MBOAT2: variants seen among roughly 807,000 people sequenced by gnomAD.
The protein encoded by MBOAT2 is membrane-bound glycerophospholipid O-acyltransferase 2.
In MBOAT2, 28 loss-of-function variants were observed where a neutral mutation model predicts 63.4. The observed-to-expected ratio is 0.44, with a 90% CI of 0.33 to 0.61. The LOEUF (loss-of-function observed/expected upper bound fraction) is 0.61. Ranked by LOEUF, MBOAT2 falls within the 20% of genes least tolerant of loss-of-function variation. MBOAT2 has a pLI of 0.03. For missense variants in MBOAT2, 470 were observed against 605.8 expected (o/e 0.78, Z 2.35); for synonymous variants, 211 against 215.6 (o/e 0.98, Z 0.19).
chr2:8,918,780 A>G (rs1019027323), intron 3 of MBOAT2, among the ~76,000 whole-genome samples: 1 of 152,232 alleles, frequency 6.6e-6, no homozygotes, highest in Non-Finnish European at 1.5e-5. Context: ...TTATTGAGGT[A>G]TAATTCACAC....
chr2:8,898,186 G>A (rs1230126280), intron 4 of MBOAT2, among the ~76,000 whole-genome samples: 2 of 152,162 alleles, frequency 1.3e-5, no homozygotes, highest in African/African-American at 4.8e-5. Context: ...CTGTCGGAAG[G>A]CTTAAAGCTG....
intron 1 of MBOAT2, among the ~76,000 whole-genome samples, chr2:8,967,856 T>C (rs1670114219): frequency 6.6e-6 from 1 of 151,910 alleles, no homozygotes; most frequent in Non-Finnish European, 1.5e-5. Flanking sequence ...ATATAAAAAA[T>C]TCCTTCATGG....
At chr2:8,910,044 A>C (rs778884430) in intron 3 of MBOAT2, among the ~76,000 whole-genome samples, 1 of 152,226 alleles carries the variant, frequency 6.6e-6, no homozygotes, top group Non-Finnish European at 1.5e-5. Context: ...TCCAGGTGTG[A>C]ACCATAATTA....
chr2:8,877,422 C>A (rs1662776154), intron 6 of MBOAT2, among the ~76,000 whole-genome samples: 1 of 152,154 alleles, frequency 6.6e-6, no homozygotes, highest in South Asian at 2.1e-4. Context: ...TCCTTATGAG[C>A]AAATATGAAG....
intron 3 of MBOAT2, among the ~76,000 whole-genome samples, chr2:8,926,817 CA>C (rs1666967026): frequency 6.6e-6 from 1 of 152,188 alleles, no homozygotes; most frequent in Non-Finnish European, 1.5e-5. Flanking sequence ...AGATGGTAAA[CA>C]GCAGAAATGG....
chr2:8,970,170 C>A (rs1670341310), intron 1 of MBOAT2, among the ~76,000 whole-genome samples: 1 of 152,200 alleles, frequency 6.6e-6, no homozygotes, highest in Non-Finnish European at 1.5e-5. Context: ...AACAAACTGT[C>A]TCTCAGACCA....
rs975818750 is a variant in MBOAT2, at chr2:8,856,168, C to T, written c.*2511G>A. On this transcript the variant is annotated 3_prime_UTR_variant, in exon 13 of 13. Transcript: ENST00000305997. This position sits in a 1 kb window ranked among gnomAD's most constrained non-coding sequence, Gnocchi z 4.2. ...AGGAACCAGAAAACCAATCAAATAT[C>T]TTGCTTTCTAGATGACAGTGCCAAG... The T allele has an allele frequency of 1.3e-5, 2 of 152,252 alleles. No homozygotes were observed. The highest frequency in any genetic ancestry group is 4.1e-4 in the South Asian group (2 of 4,826). The allele number at this position is 152,252 out of a possible 1,614,324, so 9.4% of individuals were successfully genotyped here.
intron 3 of MBOAT2, among the ~76,000 whole-genome samples, chr2:8,936,786 C>CAAAAAAAAAAA (rs745694357): frequency 5.2e-4 from 29 of 55,418 alleles, no homozygotes; most frequent in African/African-American, 7.6e-4. Context: ...GACTCCGTCT[C>CAAAAAAAAAAA]AAAAAAAAAA....
chr2:8,973,793 T>C (rs1409034701), intron 1 of MBOAT2, among the ~76,000 whole-genome samples: 3 of 152,170 alleles, frequency 2.0e-5, no homozygotes, highest in African/African-American at 4.8e-5. Context: ...ATCTATCAGA[T>C]AGACTTCAGC....
At chr2:8,940,615 A>C (rs1667982766) in intron 3 of MBOAT2, among the ~76,000 whole-genome samples, 1 of 152,220 alleles carries the variant, frequency 6.6e-6, no homozygotes, top group African/African-American at 2.4e-5. Context: ...TAAAGGTAAG[A>C]TATGAATCAG....
chr2:8,931,194 GT>G (rs1233681794), intron 3 of MBOAT2, among the ~76,000 whole-genome samples: 1 of 152,162 alleles, frequency 6.6e-6, no homozygotes, highest in Non-Finnish European at 1.5e-5. Context: ...CCAGCATGTT[GT>G]TTCTGACTTT....
In MBOAT2 at chr2:8,937,499, T is replaced by C. The variant is rs1331812779; in HGVS notation, c.299+5688A>G. Reference sequence around the variant, plus strand: ...AAACATCTATCATTAAGAACTGAGATAGATTCTCTGAAGGAAAGGAACACA... The same window carrying C: ...AAACATCTATCATTAAGAACTGAGACAGATTCTCTGAAGGAAAGGAACACA... On this transcript the variant is annotated intron_variant, in intron 3 of 12. Transcript: ENST00000305997. 2.6e-5 allele frequency among the ~76,000 whole-genome samples: 4 copies of C among 152,178 alleles called. No individual in the cohort carries two copies. The East Asian group carries it at 7.7e-4, about 29-fold the overall frequency.
At chr2:8,889,252 CAG>C (rs1233855837) in intron 4 of MBOAT2, among the ~76,000 whole-genome samples, 1 of 152,218 alleles carries the variant, frequency 6.6e-6, no homozygotes, top group Non-Finnish European at 1.5e-5. Context: ...CTCTCGCAAA[CAG>C]AGGTGTCTTT....
chr2:8,967,696 C>G (rs747794088), intron 1 of MBOAT2, among the ~76,000 whole-genome samples: 7 of 151,980 alleles, frequency 4.6e-5, no homozygotes, highest in Non-Finnish European at 7.4e-5. Flanking sequence ...GACGAACAGA[C>G]AGATCAGTGA....
At position 8,999,731 on chromosome 2, in the gene MBOAT2, A is replaced by G. The variant is rs557817458; in HGVS notation, c.75+3809T>C. On this transcript the variant is annotated intron_variant, in intron 1 of 12. Transcript: ENST00000305997. The stretch of plus-strand genomic sequence containing the variant: ...TCCTTTAATCATAACCACCTACTAA[A>G]CATTACCCTAGAAATAAAGTCATCT... 3.9e-5 allele frequency among the ~76,000 whole-genome samples: 6 copies of G among 152,252 alleles called. No homozygotes were observed. In the East Asian group the frequency reaches 7.7e-4, roughly 20 times the overall value.
chr2:8,921,996 G>A (rs374906975), intron 3 of MBOAT2, among the ~76,000 whole-genome samples: 7 of 152,004 alleles, frequency 4.6e-5, no homozygotes, highest in East Asian at 1.9e-4. Flanking sequence ...TTTGGAACTC[G>A]CGTTAAACGT....
intron 2 of MBOAT2, among the ~76,000 whole-genome samples, chr2:8,952,648 CT>C (rs1213342331): frequency 2.6e-5 from 4 of 151,818 alleles, no homozygotes; most frequent in African/African-American, 9.7e-5. Flanking sequence ...GAGTTGAACC[CT>C]TGAGAGGGAG....
chr2:8,864,357 T>C (rs974747680), intron 9 of MBOAT2, 123 bp from the exon 10 acceptor site: 15 of 474,922 alleles, frequency 3.2e-5, no homozygotes, highest in Non-Finnish European at 5.1e-5. Flanking sequence ...GTATAGTGAT[T>C]TCTCTTTCCT....
At chr2:8,977,268 A>T (rs959033810) in intron 1 of MBOAT2, among the ~76,000 whole-genome samples, 13 of 152,164 alleles carry the variant, frequency 8.5e-5, no homozygotes, top group African/African-American at 3.1e-4. Context: ...ACTGGGTTCA[A>T]CTGAAAACCT....
Sources: gnomAD v4.1 joint callset for allele counts (sites outside exome capture counted in the v4.1 genomes callset) on GRCh38, gnomAD v4.1.1 for gene constraint, Gnocchi (gnomAD v3.1) non-coding constraint, MANE v1.5 for transcripts, NCBI Gene and HGNC (gene_info 2026-07-23, HGNC 2026-07-21) for gene names.